Variants in THSD7A observed in about 807,000 individuals in gnomAD.
THSD7A encodes thrombospondin type 1 domain containing 7A.
Under a neutral mutation model 231.3 loss-of-function variants are expected in THSD7A, and 96 were observed. The observed-to-expected ratio is 0.41, with a 90% CI of 0.35 to 0.49. The LOEUF (loss-of-function observed/expected upper bound fraction) is 0.49, where lower values mean the gene tolerates loss of function less well. Ranked by LOEUF, THSD7A falls within the 20% of genes least tolerant of loss-of-function variation. The pLI, the probability that THSD7A is intolerant of heterozygous loss-of-function variation, is 0.05. For missense variants in THSD7A, 2,290 were observed against 2,070.2 expected (o/e 1.11, Z -2.06); for synonymous variants, 940 against 743.3 (o/e 1.26, Z -4.30).
chr7:11,450,483 C>T (rs1785109287), intron 11 of THSD7A, among the ~76,000 whole-genome samples: 1 of 151,964 alleles, frequency 6.6e-6, no homozygotes, highest in African/African-American at 2.4e-5. Flanking sequence ...GAAAATTTAT[C>T]CTACATCTCA....
chr7:11,500,502 C>T (rs747194660), intron 6 of THSD7A, among the ~76,000 whole-genome samples: 1 of 152,076 alleles, frequency 6.6e-6, no homozygotes, highest in African/African-American at 2.4e-5. Context: ...AATAACCCCA[C>T]TTACAAGGCA....
chr7:11,434,245 T>G (rs2128291322), intron 13 of THSD7A, among the ~76,000 whole-genome samples: 1 of 152,184 alleles, frequency 6.6e-6, no homozygotes, highest in South Asian at 2.1e-4. Context: ...GATGCTAGGA[T>G]AAAATAAATG....
At chr7:11,394,804 G>C (rs556653773) in intron 23 of THSD7A, among the ~76,000 whole-genome samples, 13 of 152,244 alleles carry the variant, frequency 8.5e-5, no homozygotes, top group African/African-American at 3.1e-4. Flanking sequence ...ACCTGTGGCC[G>C]AGTACTCATT....
At chr7:11,512,230 A>G (rs1328531096) in intron 6 of THSD7A, among the ~76,000 whole-genome samples, 2 of 152,202 alleles carry the variant, frequency 1.3e-5, no homozygotes, top group Non-Finnish European at 2.9e-5. Flanking sequence ...CAAAACCACA[A>G]TGAGATACCA....
chr7:11,786,696 A>T (rs1440580338), intron 1 of THSD7A, among the ~76,000 whole-genome samples: 4 of 150,518 alleles, frequency 2.7e-5, no homozygotes, highest in African/African-American at 9.8e-5. Flanking sequence ...CTACTGTAGT[A>T]TGGGTTTTGT....
chr7:11,797,125 G>T (rs1165895354), intron 1 of THSD7A, among the ~76,000 whole-genome samples: 6 of 151,984 alleles, frequency 3.9e-5, no homozygotes, highest in Non-Finnish European at 8.8e-5. Context: ...ACAATTCATT[G>T]ACTAGTGAAA....
intron 1 of THSD7A, among the ~76,000 whole-genome samples, chr7:11,714,095 CA>C (rs1366834299): frequency 6.6e-6 from 1 of 151,010 alleles, no homozygotes; most frequent in African/African-American, 2.4e-5. Context: ...AGGTCACAGT[CA>C]AAAAATGTTT....
At chr7:11,419,290 T>G (rs1307434729) in intron 16 of THSD7A, among the ~76,000 whole-genome samples, 1 of 151,684 alleles carries the variant, frequency 6.6e-6, no homozygotes, top group Non-Finnish European at 1.5e-5. Flanking sequence ...TGGTGGGAGG[T>G]CACTGGATCA....
At chr7:11,689,306 T>C (rs1780159828) in intron 1 of THSD7A, among the ~76,000 whole-genome samples, 1 of 151,844 alleles carries the variant, frequency 6.6e-6, no homozygotes, top group African/African-American at 2.4e-5. Context: ...TGCAATAAAA[T>C]GCTTTTTTCT....
intron 2 of THSD7A, among the ~76,000 whole-genome samples, chr7:11,628,811 G>A (rs1422612687): frequency 6.6e-6 from 1 of 152,152 alleles, no homozygotes; most frequent in Non-Finnish European, 1.5e-5. Context: ...CTCTGGTTCT[G>A]ACACCGTACT....
At chr7:11,659,101 T>A (rs1782822110) in intron 1 of THSD7A, among the ~76,000 whole-genome samples, 1 of 151,682 alleles carries the variant, frequency 6.6e-6, no homozygotes, top group East Asian at 1.9e-4. Context: ...ACTCTTCCAG[T>A]TATTACTCAT....
At position 11,590,491 on chromosome 7, in the gene THSD7A, G is replaced by A. The variant is rs532771649; in HGVS notation, c.1422C>T (p.Leu474=). ...VYCVQANENL[L]SQLSTHKNKE... ...TGTTCTTGTGGGTACTTAATTGTGA[G>A]AGGAGGTTTTCGTTGGCCTGCACGC... is the stretch of plus-strand genomic sequence containing the variant. Residue 474 remains leucine, a synonymous_variant, in exon 4 of 28, where the codon CTC becomes CTT. Coordinates refer to ENST00000423059, the MANE Select transcript of THSD7A (RefSeq NM_015204.3). This position sits in a 1 kb window ranked among gnomAD's most constrained non-coding sequence, Gnocchi z 4.4. 1 of 1,613,030 alleles carries A rather than the reference G, an allele frequency of 6.2e-7. No homozygotes were observed. The highest frequency in any genetic ancestry group is 2.2e-5 in the East Asian group (1 of 44,858).
In THSD7A at chr7:11,636,725, G is replaced by A. The variant is rs1469341893; in HGVS notation, c.427C>T (p.Pro143Ser). 1.2e-6 allele frequency: 2 copies of A among 1,613,838 alleles called. No individual in the cohort carries two copies. Among genetic ancestry groups the A allele is most frequent in the Admixed American group, 1.7e-5 (1 of 59,988 alleles). Residue 143 changes from proline (P) to serine (S), a missense_variant, in exon 2 of 28, where the codon CCT becomes TCT. Pro to Ser is a moderately conservative substitution (Grantham distance 74). Transcript: ENST00000423059. The surrounding 1 kb of genome is among the most constrained non-coding windows in gnomAD (Gnocchi z 10.0). ...TCTTCCCCCTTAATGCACTCAAGAG[G>A]TTTCTCTAGGCTTTTTGAAATCACG... ...QPVISKSLEK[P>S]LECIKGEEGI...
intron 17 of THSD7A, among the ~76,000 whole-genome samples, chr7:11,415,791 C>G (rs1783939722): frequency 6.6e-6 from 1 of 152,176 alleles, no homozygotes; most frequent in South Asian, 2.1e-4. Flanking sequence ...CTAAAGCTGG[C>G]TTATTAAACT....
chr7:11,699,934 AC>A (rs1780532948), intron 1 of THSD7A, among the ~76,000 whole-genome samples: 1 of 151,330 alleles, frequency 6.6e-6, no homozygotes, highest in African/African-American at 2.4e-5. Context: ...CTTACCCTGG[AC>A]GAAATCTAAA....
rs1195774857 is a variant in THSD7A, at chr7:11,379,675, C to G, written c.4545G>C (p.Arg1515Ser). ...CLVMSQPDADRSCNPPCSQPH... is the reference protein window; with the variant it reads ...CLVMSQPDADSSCNPPCSQPH... ...GTTGACTACACGGTGGGTTACAAGACCTGTCGGCATCAGGCTGGCTCATCA... is the reference window on the plus strand; with the variant it reads ...GTTGACTACACGGTGGGTTACAAGAGCTGTCGGCATCAGGCTGGCTCATCA... The change falls in exon 25 of 28, where the codon AGG becomes AGC. Residue 1515 changes from arginine (R) to serine (S), a missense_variant. Arg to Ser is a moderately radical substitution (Grantham distance 110). Transcript: ENST00000423059. 3 of 1,593,940 alleles carry G rather than the reference C, an allele frequency of 1.9e-6. No individual in the cohort carries two copies. Among genetic ancestry groups the G allele is most frequent in the Non-Finnish European group, 2.6e-6 (3 of 1,169,564 alleles).
chr7:11,506,540 C>T (rs1440573015), intron 6 of THSD7A, among the ~76,000 whole-genome samples: 1 of 152,174 alleles, frequency 6.6e-6, no homozygotes, highest in African/African-American at 2.4e-5. Context: ...CAGATCACAA[C>T]ATTCTCTGTG....
chr7:11,635,349 G>A (rs1403642538), intron 2 of THSD7A, among the ~76,000 whole-genome samples: 1 of 152,096 alleles, frequency 6.6e-6, no homozygotes, highest in African/African-American at 2.4e-5. Context: ...CTCCCAGATG[G>A]TCTGGTTTAT....
chr7:11,816,231 C>A (rs1382023692), intron 1 of THSD7A, among the ~76,000 whole-genome samples: 1 of 152,176 alleles, frequency 6.6e-6, no homozygotes, highest in Non-Finnish European at 1.5e-5. Flanking sequence ...GTACTAAGTG[C>A]CTGCCAATTT....
Sources: allele counts gnomAD v4.1 joint callset (sites outside exome capture counted in the v4.1 genomes callset), GRCh38; gene constraint gnomAD v4.1.1; non-coding constraint Gnocchi (gnomAD v3.1); transcripts MANE v1.5; gene names NCBI Gene and HGNC (gene_info 2026-07-23, HGNC 2026-07-21).